ASCC3: variants seen among roughly 807,000 people sequenced by gnomAD.
ASCC3 encodes activating signal cointegrator 1 complex subunit 3.
A neutral mutation model predicts 256.3 loss-of-function variants in ASCC3; 158 were observed. The observed-to-expected ratio is 0.62, with a 90% CI of 0.54 to 0.70. The LOEUF (loss-of-function observed/expected upper bound fraction) is 0.70, where lower values mean the gene tolerates loss of function less well. ASCC3 is among the 30% of genes least tolerant of loss of function. The pLI is 0.00. For missense variants in ASCC3, 2,259 were observed against 2,626.0 expected (o/e 0.86, Z 3.05); for synonymous variants, 948 against 883.4 (o/e 1.07, Z -1.30).
chr6:100,562,211 A>G (rs988680314), intron 36 of ASCC3, among the ~76,000 whole-genome samples: 5 of 151,572 alleles, frequency 3.3e-5, no homozygotes, highest in Non-Finnish European at 7.4e-5. Context: ...GAATAATACT[A>G]CTGTAATAAA....
chr6:100,678,670 T>C (rs533826637), intron 14 of ASCC3, among the ~76,000 whole-genome samples: 2 of 152,132 alleles, frequency 1.3e-5, no homozygotes, highest in Non-Finnish European at 2.9e-5. Flanking sequence ...AATTTAAAGT[T>C]ACTATCATTT....
chr6:100,637,239 T>C (rs1582609399), intron 25 of ASCC3, among the ~76,000 whole-genome samples: 2 of 152,268 alleles, frequency 1.3e-5, no homozygotes, highest in Middle Eastern at 3.4e-3. Flanking sequence ...TTAAGAATTA[T>C]GCTAAATCAC....
At chr6:100,568,192 AC>A (rs1770370767) in intron 36 of ASCC3, among the ~76,000 whole-genome samples, 1 of 151,862 alleles carries the variant, frequency 6.6e-6, no homozygotes, top group Non-Finnish European at 1.5e-5. Context: ...ACATGGTGAA[AC>A]CCCATCTCAA....
intron 23 of ASCC3, 105 bp from the exon 24 acceptor site, chr6:100,642,854 C>G (rs756899791): frequency 5.4e-4 from 581 of 1,084,258 alleles, no homozygotes; most frequent in Middle Eastern, 1.2e-3. Context: ...ATACTAAAGA[C>G]AAAGTATCTT....
chr6:100,519,153 T>C (rs1481873135), intron 37 of ASCC3, among the ~76,000 whole-genome samples: 3 of 152,118 alleles, frequency 2.0e-5, no homozygotes, highest in Non-Finnish European at 2.9e-5. Flanking sequence ...CTTCTGAGCA[T>C]TGAATATCCC....
At chr6:100,816,477 T>C (rs1770752518) in intron 4 of ASCC3, among the ~76,000 whole-genome samples, 1 of 152,146 alleles carries the variant, frequency 6.6e-6, no homozygotes, top group African/African-American at 2.4e-5. Context: ...ACTGCAGCAC[T>C]ATTCACAATA....
intron 39 of ASCC3, among the ~76,000 whole-genome samples, chr6:100,514,494 A>G (rs1253298067): frequency 6.6e-6 from 1 of 151,946 alleles, no homozygotes; most frequent in Non-Finnish European, 1.5e-5. Flanking sequence ...ACTCATTGGG[A>G]TTTTACTTTA....
chr6:100,855,110 C>CTTTTTTTT (rs66722196), intron 3 of ASCC3, among the ~76,000 whole-genome samples: 1 of 147,882 alleles, frequency 6.8e-6, no homozygotes. Context: ...TGTCAAGAAC[C>CTTTTTTTT]TTTTTTTTTT....
At position 100,868,025 on chromosome 6, in the gene ASCC3, C is replaced by T. The variant is rs976905921; in HGVS notation, c.-28G>A. 16 of 1,534,128 alleles carry T rather than the reference C, an allele frequency of 1.0e-5. No individual in the cohort carries two copies. The highest frequency in any genetic ancestry group is 1.4e-5 in the Non-Finnish European group (16 of 1,108,278). ...ATTATTCAATCAGTGATCCATACAG[C>T]AAGAAACCTGAAACTGAAACAAAAC... is the stretch of plus-strand genomic sequence containing the variant. On this transcript the variant is annotated 5_prime_UTR_variant, in exon 2 of 42. Transcript: ENST00000369162.
chr6:100,689,548 T>A (rs74355197), intron 13 of ASCC3, among the ~76,000 whole-genome samples: 2 of 152,190 alleles, frequency 1.3e-5, no homozygotes, highest in Admixed American at 1.3e-4. Context: ...CTTCCTGCTA[T>A]CATCCAATCA....
At chr6:100,851,544 C>A (rs1281975987) in intron 3 of ASCC3, among the ~76,000 whole-genome samples, 1 of 152,114 alleles carries the variant, frequency 6.6e-6, no homozygotes, top group African/African-American at 2.4e-5. Context: ...CAACAAAGAT[C>A]AACTTTTTTG....
At chr6:100,675,502 C>T (rs1226779164) in intron 14 of ASCC3, among the ~76,000 whole-genome samples, 1 of 152,082 alleles carries the variant, frequency 6.6e-6, no homozygotes, top group Admixed American at 6.6e-5. Context: ...ATCAAATTGG[C>T]ATTAATTCCA....
chr6:100,819,675 T>A (rs184017444), intron 4 of ASCC3, among the ~76,000 whole-genome samples: 188 of 152,240 alleles, frequency 1.2e-3, no homozygotes, highest in African/African-American at 4.4e-3. Flanking sequence ...GGGAGATGAA[T>A]GCCAGAAGAC....
chr6:100,708,680 C>T (rs968548103), intron 13 of ASCC3, among the ~76,000 whole-genome samples: 1 of 152,006 alleles, frequency 6.6e-6, no homozygotes, highest in African/African-American at 2.4e-5. Context: ...CCTCCATCCC[C>T]CAAAACACAA....
intron 41 of ASCC3, 91 bp downstream of exon 41, chr6:100,509,841 T>C: frequency 7.8e-7 from 1 of 1,288,276 alleles, no homozygotes; most frequent in Non-Finnish European, 1.1e-6. Flanking sequence ...TGAGCAGAGA[T>C]CGCGCCACTG....
At chr6:100,640,878 C>T (rs1312049026) in intron 24 of ASCC3, among the ~76,000 whole-genome samples, 1 of 152,080 alleles carries the variant, frequency 6.6e-6, no homozygotes, top group Admixed American at 6.5e-5. Flanking sequence ...ACATTAAGAC[C>T]TCTTTCAATT....
intron 16 of ASCC3, among the ~76,000 whole-genome samples, chr6:100,660,023 A>G (rs1486670659): frequency 6.6e-6 from 1 of 151,574 alleles, no homozygotes; most frequent in Non-Finnish European, 1.5e-5. Context: ...CATGACGTGC[A>G]TGAAAGAACC....
chr6:100,723,454 A>G (rs1779440303), intron 11 of ASCC3, among the ~76,000 whole-genome samples: 1 of 151,706 alleles, frequency 6.6e-6, no homozygotes, highest in African/African-American at 2.4e-5. Context: ...TTGAACTGAG[A>G]GCTTTGTTTG....
rs1780645957 is a variant in ASCC3, at chr6:100,745,900, C to A, written c.1738-20197G>T. On this transcript the variant is annotated intron_variant, in intron 10 of 41. Coordinates refer to ENST00000369162, the MANE Select transcript of ASCC3 (RefSeq NM_006828.4). ...AACCTTTTAGTCTTTTCCCATCAAT[C>A]AGTAACCCACTTTGTCAATGTCATT... Among the ~76,000 whole-genome samples the A allele has an allele frequency of 2.0e-5, 3 of 152,126 alleles. No homozygotes were observed. In the South Asian group the frequency reaches 6.2e-4, roughly 32 times the overall value.
Sources: allele counts gnomAD v4.1 joint callset (sites outside exome capture counted in the v4.1 genomes callset), GRCh38; gene constraint gnomAD v4.1.1; transcripts MANE v1.5; gene names NCBI Gene and HGNC (gene_info 2026-07-23, HGNC 2026-07-21).